AHSP: variants seen among roughly 807,000 people sequenced by gnomAD.
AHSP encodes the protein alpha-hemoglobin-stabilizing protein.
A neutral mutation model predicts 2.7 loss-of-function variants in AHSP; 5 were observed. The ratio of observed to expected loss-of-function variants is 1.86; its 90% CI spans 0.97 to 3.92. The LOEUF (loss-of-function observed/expected upper bound fraction) is 3.92, where lower values mean the gene tolerates loss of function less well. AHSP is among the 30% of genes most tolerant of loss of function. The pLI is 0.00. For missense variants in AHSP, 134 were observed against 119.8 expected, an observed-to-expected ratio of 1.12 and a Z score of -0.55; for synonymous variants, 50 against 48.4, an observed-to-expected ratio of 1.03 and a Z score of -0.14.
chr16:31,528,510 A>G lies in AHSP; in HGVS notation c.128A>G (p.Asp43Gly), dbSNP rs1310582176. 1.2e-6 allele frequency: 2 copies of G among 1,613,952 alleles called. No homozygotes were observed. The highest frequency in any genetic ancestry group is 1.3e-5 in the African/African-American group (1 of 74,884). Residue 43 changes from aspartate (D) to glycine (G), a missense_variant, in exon 3 of 3, where the codon GAC becomes GGC. By Grantham distance (94) the Asp-to-Gly change is moderately conservative (BLOSUM62 -1). Transcript: ENST00000302312. ...GAAGACATGGTGACTGTGGTGGAGGACTGGATGAACTTCTACATCAACTAT... is the reference window on the plus strand; with the variant it reads ...GAAGACATGGTGACTGTGGTGGAGGGCTGGATGAACTTCTACATCAACTAT... ...SEEDMVTVVEDWMNFYINYYR... is the reference protein window; with the variant it reads ...SEEDMVTVVEGWMNFYINYYR...
chr16:31,528,741 T>C lies in AHSP; in HGVS notation c.*50T>C. 1.3e-6 allele frequency: 2 copies of C among 1,505,932 alleles called. No individual in the cohort carries two copies. The highest frequency in any genetic ancestry group is 1.8e-6 in the Non-Finnish European group (2 of 1,106,904). The allele number at this position is 1,505,932 out of a possible 1,614,324, so 93.3% of individuals were successfully genotyped here. ...TGAGAAACTCTGACCTTCATGTCCT[T>C]AGGCTGTGCTCCTGCCACTCTACCC... On this transcript the variant is annotated 3_prime_UTR_variant, in exon 3 of 3. Coordinates refer to ENST00000302312, the MANE Select transcript of AHSP (RefSeq NM_016633.4).
Position 31,528,735 on chromosome 16 carries a change from T to C in AHSP, c.*44T>C, listed in dbSNP as rs373356212. ...CCTCTCTGAGAAACTCTGACCTTCA[T>C]GTCCTTAGGCTGTGCTCCTGCCACT... On this transcript the variant is annotated 3_prime_UTR_variant, in exon 3 of 3. Transcript: ENST00000302312. 6 of 1,542,060 alleles carry C rather than the reference T, an allele frequency of 3.9e-6. No individual in the cohort carries two copies. In the Admixed American group the frequency reaches 9.0e-5, roughly 23 times the overall value.
chr16:31,528,447 C>T lies in AHSP; in HGVS notation c.76-11C>T, dbSNP rs751481661. The T allele has an allele frequency of 6.2e-7, 1 of 1,613,142 alleles. No homozygotes were observed. Among genetic ancestry groups the T allele is most frequent in the South Asian group, 1.1e-5 (1 of 91,048 alleles). On this transcript the variant is annotated splice_polypyrimidine_tract_variant and intron_variant, in intron 2 of 2. Transcript: ENST00000302312. ...TTCTCCCTTGCCAACTGCCTCTCCG[C>T]AACCCCCCAGGTCTTCAATGATCCT... is the stretch of plus-strand genomic sequence containing the variant.
Position 31,528,466 on chromosome 16 carries a change from T to A in AHSP, c.84T>A (p.Asn28Lys). 6.2e-7 allele frequency: 1 copy of A among 1,614,168 alleles called. No individual in the cohort carries two copies. Among genetic ancestry groups the A allele is most frequent in the Non-Finnish European group, 8.5e-7 (1 of 1,179,978 alleles). Residue 28 changes from asparagine (N) to lysine (K), a missense_variant, in exon 3 of 3, where the codon AAT becomes AAA. Physicochemically the swap from Asn to Lys is moderately conservative, Grantham distance 94. Transcript: ENST00000302312. Reference protein sequence around the residue: ...FSVLLNQQVFNDPLVSEEDMV... With the variant: ...FSVLLNQQVFKDPLVSEEDMV... Reference sequence around the variant, plus strand: ...TCTCCGCAACCCCCCAGGTCTTCAATGATCCTCTCGTCTCTGAAGAAGACA... The same window carrying A: ...TCTCCGCAACCCCCCAGGTCTTCAAAGATCCTCTCGTCTCTGAAGAAGACA...
At position 31,528,586 on chromosome 16, in the gene AHSP, G is replaced by GGAGCTTCGGCAAGAGCA; in HGVS notation, c.220_221insAGAGCTTCGGCAAGAGC (p.Leu74GlnfsTer7). 1 of 1,614,162 alleles carries GGAGCTTCGGCAAGAGCA rather than the reference G, an allele frequency of 6.2e-7. No homozygotes were observed. The highest frequency in any genetic ancestry group is 8.5e-7 in the Non-Finnish European group (1 of 1,180,032). The stretch of plus-strand genomic sequence containing the variant: ...CCCAAGAGCGAGACAAGGCTCTGCA[G>GGAGCTTCGGCAAGAGCA]GAGCTTCGGCAAGAGCTGAACACTC... On this transcript the variant is annotated frameshift_variant, in exon 3 of 3. Transcript: ENST00000302312. LOFTEE classifies it low-confidence loss of function (END_TRUNC).
chr16:31,528,644 T>C lies in AHSP; in HGVS notation c.262T>C (p.Phe88Leu). 1 of 1,613,986 alleles carries C rather than the reference T, an allele frequency of 6.2e-7. No homozygotes were observed. Among genetic ancestry groups the C allele is most frequent in the Non-Finnish European group, 8.5e-7 (1 of 1,180,022 alleles). Reference sequence around the variant, plus strand: ...CCCTTTCCTGGCCAAGTACAGGGACTTCCTGAAGTCTCATGAGCTCCCGAG... The same window carrying C: ...CCCTTTCCTGGCCAAGTACAGGGACCTCCTGAAGTCTCATGAGCTCCCGAG... ...ANPFLAKYRD[F>L]LKSHELPSHP... Residue 88 changes from phenylalanine to leucine, a missense_variant, in exon 3 of 3, where the codon TTC becomes CTC. Physicochemically the swap from Phe to Leu is conservative, Grantham distance 22. Coordinates refer to ENST00000302312, the MANE Select transcript of AHSP (RefSeq NM_016633.4).
chr16:31,528,420 C>T, intron 2 of AHSP, 38 bp from the exon 3 acceptor site: 1 of 1,570,456 alleles, frequency 6.4e-7, no homozygotes, highest in Non-Finnish European at 8.8e-7. Context: ...TTGCTGACCA[C>T]ATTCTCCCTT....
chr16:31,528,731 T>G lies in AHSP; in HGVS notation c.*40T>G. On this transcript the variant is annotated 3_prime_UTR_variant, in exon 3 of 3. Coordinates refer to ENST00000302312, the MANE Select transcript of AHSP (RefSeq NM_016633.4). ...CCCTCCTCTCTGAGAAACTCTGACC[T>G]TCATGTCCTTAGGCTGTGCTCCTGC... 1 of 1,552,544 alleles carries G rather than the reference T, an allele frequency of 6.4e-7. No individual in the cohort carries two copies.
rs1226001609 is a variant in AHSP, at chr16:31,528,494, G to T, written c.112G>T (p.Val38Leu). The T allele has an allele frequency of 6.2e-7, 1 of 1,614,052 alleles. No individual in the cohort carries two copies. The highest frequency in any genetic ancestry group is 1.3e-5 in the African/African-American group (1 of 74,912). ...TCCTCTCGTCTCTGAAGAAGACATG[G>T]TGACTGTGGTGGAGGACTGGATGAA... is the stretch of plus-strand genomic sequence containing the variant. ...NDPLVSEEDM[V>L]TVVEDWMNFY... is the part of the protein sequence containing the mutation. The change falls in exon 3 of 3, where the codon GTG becomes TTG. Residue 38 changes from valine (V) to leucine (L), a missense_variant. Coordinates refer to ENST00000302312, the MANE Select transcript of AHSP (RefSeq NM_016633.4).
In AHSP at chr16:31,528,501, T is replaced by C. The variant is rs1567406260; in HGVS notation, c.119T>C (p.Val40Ala). The C allele has an allele frequency of 3.1e-6, 5 of 1,614,060 alleles. No individual in the cohort carries two copies. The highest frequency in any genetic ancestry group is 1.7e-5 in the Admixed American group (1 of 60,004). ...GTCTCTGAAGAAGACATGGTGACTG[T>C]GGTGGAGGACTGGATGAACTTCTAC... ...PLVSEEDMVT[V>A]VEDWMNFYIN... The change falls in exon 3 of 3, where the codon GTG becomes GCG. Residue 40 changes from valine to alanine, a missense_variant. Coordinates refer to ENST00000302312, the MANE Select transcript of AHSP (RefSeq NM_016633.4).
intron 2 of AHSP, 82 bp downstream of exon 2, chr16:31,528,296 C>A: frequency 1.4e-6 from 2 of 1,407,050 alleles, no homozygotes; most frequent in Non-Finnish European, 1.0e-6. Flanking sequence ...ATAATTGGAG[C>A]TGGTGAAGTA....
At chr16:31,528,247 C>G in intron 2 of AHSP, 33 bp downstream of exon 2, 1 of 1,593,048 alleles carries the variant, frequency 6.3e-7, no homozygotes, top group Non-Finnish European at 8.6e-7. Context: ...AAAGGACTGG[C>G]CTGGAGACTG....
At chr16:31,528,431 GC>G (rs2082741747) in intron 2 of AHSP, 26 bp from the exon 3 acceptor site, 1 of 1,597,150 alleles carries the variant, frequency 6.3e-7, no homozygotes, top group Non-Finnish European at 8.6e-7. Flanking sequence ...ATTCTCCCTT[GC>G]CAACTGCCTC....
At chr16:31,528,261 G>T in intron 2 of AHSP, 47 bp downstream of exon 2, 1 of 1,565,336 alleles carries the variant, frequency 6.4e-7, no homozygotes, top group Non-Finnish European at 8.8e-7. Flanking sequence ...GAGACTGGGG[G>T]GTGCCGGGGA....
rs2082739809 is a variant in AHSP at position 31,528,160 on chromosome 16, T to C, written c.21T>C (p.Asn7=). The change falls in exon 2 of 3, where the codon AAT becomes AAC. Residue 7 remains asparagine, a synonymous_variant. Transcript: ENST00000302312. The part of the protein sequence containing the change: MALLKA[N]KDLISAGLKE... Reference sequence around the variant, plus strand: ...GGCAGATGGCTCTTCTTAAGGCCAATAAGGATCTCATTTCCGCAGGATTGA... The same window carrying C: ...GGCAGATGGCTCTTCTTAAGGCCAACAAGGATCTCATTTCCGCAGGATTGA... The C allele has an allele frequency of 6.2e-7, 1 of 1,614,012 alleles. No individual in the cohort carries two copies. Among genetic ancestry groups the C allele is most frequent in the Admixed American group, 1.7e-5 (1 of 60,014 alleles).
rs1307922359 is a variant in AHSP at position 31,527,914 on chromosome 16, G to A, written c.-53G>A. On this transcript the variant is annotated 5_prime_UTR_variant, in exon 1 of 3. Coordinates refer to ENST00000302312, the MANE Select transcript of AHSP (RefSeq NM_016633.4). ...TATAGCTTGGCACAGAGAGATTCAC[G>A]CACCCTCAAGAGTGTGGGTGAGACA... 1.4e-5 allele frequency: 8 copies of A among 561,976 alleles called. No individual in the cohort carries two copies. Among genetic ancestry groups the A allele is most frequent in the East Asian group, 6.3e-5 (2 of 31,810 alleles). The allele number at this position is 561,976 out of a possible 1,614,324, so 34.8% of individuals were successfully genotyped here.
In AHSP at chr16:31,528,565, A is replaced by G. The variant is rs1050424940; in HGVS notation, c.183A>G (p.Gln61=). Residue 61 remains glutamine, a synonymous_variant, in exon 3 of 3, where the codon CAA becomes CAG. Coordinates refer to ENST00000302312, the MANE Select transcript of AHSP (RefSeq NM_016633.4). ...YYRQQVTGEP[Q]ERDKALQELR... The stretch of plus-strand genomic sequence containing the variant: ...GGCAGCAGGTGACAGGGGAGCCCCA[A>G]GAGCGAGACAAGGCTCTGCAGGAGC... 6.2e-7 allele frequency: 1 copy of G among 1,614,030 alleles called. No homozygotes were observed. Among genetic ancestry groups the G allele is most frequent in the Non-Finnish European group, 8.5e-7 (1 of 1,180,030 alleles).
chr16:31,528,457 G>A lies in AHSP; in HGVS notation c.76-1G>A. 1.9e-6 allele frequency: 3 copies of A among 1,613,704 alleles called. No homozygotes were observed. The highest frequency in any genetic ancestry group is 1.7e-6 in the Non-Finnish European group (2 of 1,179,636). On this transcript the variant is annotated splice_acceptor_variant, in intron 2 of 2. Coordinates refer to ENST00000302312, the MANE Select transcript of AHSP (RefSeq NM_016633.4). LOFTEE classifies it high-confidence loss of function. ...CCAACTGCCTCTCCGCAACCCCCCAGGTCTTCAATGATCCTCTCGTCTCTG... is the reference window on the plus strand; with the variant it reads ...CCAACTGCCTCTCCGCAACCCCCCAAGTCTTCAATGATCCTCTCGTCTCTG...
chr16:31,528,432 C>A (rs2142688809), intron 2 of AHSP, 26 bp from the exon 3 acceptor site: 1 of 1,599,498 alleles, frequency 6.3e-7, no homozygotes, highest in Non-Finnish European at 8.6e-7. Flanking sequence ...TTCTCCCTTG[C>A]CAACTGCCTC....
Sources: allele counts gnomAD v4.1 joint callset, GRCh38; gene constraint gnomAD v4.1.1; transcripts MANE v1.5; gene names NCBI Gene and HGNC (gene_info 2026-07-23, HGNC 2026-07-21).